Variants in SPINK2 observed in about 807,000 individuals in gnomAD.
SPINK2 encodes the protein serine peptidase inhibitor Kazal type 2, also known as serine protease inhibitor Kazal-type 2.
SPINK2 carries 8 observed loss-of-function variants against 13.5 expected under a neutral mutation model. The ratio of observed to expected loss-of-function variants is 0.59; its 90% confidence interval spans 0.35 to 1.07. The LOEUF (loss-of-function observed/expected upper bound fraction) is 1.07. Ranked by LOEUF, SPINK2 falls within the 50% of genes least tolerant of loss-of-function variation. SPINK2 has a pLI of 0.02. For synonymous variants in SPINK2, 76 were observed against 74.7 expected (o/e 1.02, Z -0.09); for missense variants, 148 against 180.3 (o/e 0.82, Z 1.03).
At chr4:56,811,185 G>A (rs1281690777) in intron 3 of SPINK2, among the ~76,000 whole-genome samples, 1 of 152,118 alleles carries the variant, frequency 6.6e-6, no homozygotes, top group Non-Finnish European at 1.5e-5. Flanking sequence ...ACATCTCATT[G>A]TTTAACTTGA....
intron 2 of SPINK2, among the ~76,000 whole-genome samples, chr4:56,817,690 CTAAAGA>C (rs151095962): frequency 0.063 from 9,581 of 152,018 alleles, 558 homozygotes; most frequent in South Asian, 0.29. Flanking sequence ...CCTACTTCTA[CTAAAGA>C]TATAGAAATT....
At chr4:56,817,433 A>G (rs1717548761) in intron 2 of SPINK2, among the ~76,000 whole-genome samples, 1 of 152,204 alleles carries the variant, frequency 6.6e-6, no homozygotes, top group Non-Finnish European at 1.5e-5. Flanking sequence ...TGCAGCAGAA[A>G]CTGACAAATT....
At chr4:56,817,058 TG>T (rs1717512891) in intron 2 of SPINK2, among the ~76,000 whole-genome samples, 1 of 151,578 alleles carries the variant, frequency 6.6e-6, no homozygotes, top group South Asian at 2.1e-4. Flanking sequence ...AAAAATTAGC[TG>T]GGCGTGGTGG....
At chr4:56,818,196 C>G (rs939901048) in intron 2 of SPINK2, 9 of 152,216 alleles carry the variant, frequency 5.9e-5, no homozygotes, top group Admixed American at 1.3e-4. Context: ...AGATCAATCT[C>G]TCTGTCTCTC....
chr4:56,820,451 G>A, intron 2 of SPINK2, 85 bp downstream of exon 2: 1 of 1,074,536 alleles, frequency 9.3e-7, no homozygotes, highest in Non-Finnish European at 1.4e-6. Flanking sequence ...AAAGTGGCAG[G>A]TCAGACCTGA....
Position 56,815,762 on chromosome 4 carries a change from TCACACACACACACA to T in SPINK2, c.250-3982_250-3969del, listed in dbSNP as rs140055216. ...TGTTATATAGAAATTCCTAAGAAAT[TCACACACACACACA>T]CACACACACACACACACACACAAAA... On this transcript the variant is annotated intron_variant, in intron 2 of 3. Coordinates refer to ENST00000506738, the MANE Select transcript of SPINK2 (RefSeq NM_001271718.2). Among the ~76,000 whole-genome samples the T allele has an allele frequency of 3.8e-4, 54 of 143,076 alleles. 1 individual carries two copies. The South Asian group carries it at 9.6e-3, about 25-fold the overall frequency. 93.9% of individuals were successfully genotyped at this position (143,076 alleles called of 152,430 possible). A position where few individuals can be genotyped will look rare whatever the true frequency, so the allele number is the denominator to read the frequency against.
chr4:56,810,231 G>A, intron 3 of SPINK2, 47 bp from the exon 4 acceptor site: 1 of 1,506,048 alleles, frequency 6.6e-7, no homozygotes, highest in Non-Finnish European at 9.1e-7. Flanking sequence ...CTACCATACT[G>A]AAACTGTCTC....
intron 2 of SPINK2, among the ~76,000 whole-genome samples, chr4:56,817,971 A>G (rs1262174118): frequency 6.6e-6 from 1 of 152,244 alleles, no homozygotes; most frequent in Admixed American, 6.5e-5. Flanking sequence ...CTCTGTGGGC[A>G]ATGAGAAGTC....
intron 2 of SPINK2, among the ~76,000 whole-genome samples, chr4:56,814,960 C>CAAAAAAAA (rs5858398): frequency 2.0e-5 from 2 of 102,544 alleles, no homozygotes; most frequent in Non-Finnish European, 4.0e-5. Context: ...GACTCCGTCT[C>CAAAAAAAA]AAAAAAAAAA....
chr4:56,817,944 C>T (rs756669384), intron 2 of SPINK2, among the ~76,000 whole-genome samples: 6 of 151,638 alleles, frequency 4.0e-5, no homozygotes, highest in South Asian at 2.1e-4. Flanking sequence ...TAGGCTGTGT[C>T]GATGAGGTTA....
At chr4:56,821,706 G>A, upstream of SPINK2, 1 of 1,434,030 alleles carries the variant, frequency 7.0e-7, no homozygotes, top group Non-Finnish European at 9.1e-7. Flanking sequence ...TCTGTTACCT[G>A]CGCCACTCGC....
intron 2 of SPINK2, among the ~76,000 whole-genome samples, chr4:56,814,405 T>G (rs1717256054): frequency 6.6e-6 from 1 of 151,986 alleles, no homozygotes; most frequent in Admixed American, 6.6e-5. Context: ...ACTGGTATAA[T>G]CACTCATTTA....
intron 1 of SPINK2, 35 bp from the exon 2 acceptor site, chr4:56,820,614 G>A: frequency 6.5e-7 from 1 of 1,534,554 alleles, no homozygotes; most frequent in East Asian, 2.2e-5. Flanking sequence ...TTACAGTATA[G>A]GATCAAGGTA....
chr4:56,811,479 T>C (rs1366578508), intron 3 of SPINK2, among the ~76,000 whole-genome samples: 1 of 151,984 alleles, frequency 6.6e-6, no homozygotes, highest in East Asian at 1.9e-4. Flanking sequence ...TAGCCAAGCG[T>C]GGTGGCAGGT....
rs781093100 is a variant in SPINK2 at position 56,821,669 on chromosome 4, C to G, written c.-7G>C. The G allele has an allele frequency of 9.5e-5, 145 of 1,525,276 alleles. No homozygotes were observed. The highest frequency in any genetic ancestry group is 2.9e-4 in the South Asian group (24 of 82,062). 94.5% of individuals were successfully genotyped at this position (1,525,276 alleles called of 1,614,324 possible). On this transcript the variant is annotated 5_prime_UTR_variant, in exon 1 of 4. Coordinates refer to ENST00000506738, the MANE Select transcript of SPINK2 (RefSeq NM_001271718.2). ...GCAGCACCGACAGCGCCATCCTCCT[C>G]CCGCGCCGGCTGTCTTGCCCCTGCG... is the stretch of plus-strand genomic sequence containing the variant.
intron 3 of SPINK2, 103 bp downstream of exon 3, chr4:56,811,582 A>C: frequency 1.6e-6 from 1 of 634,604 alleles, no homozygotes; most frequent in Non-Finnish European, 2.5e-6. Context: ...GCACCACTGC[A>C]CTCCAGCCTG....
At chr4:56,817,705 T>C (rs1042001004) in intron 2 of SPINK2, among the ~76,000 whole-genome samples, 1 of 152,010 alleles carries the variant, frequency 6.6e-6, no homozygotes, top group Admixed American at 6.6e-5. Flanking sequence ...GATATAGAAA[T>C]TAGCCGAGCA....
intron 2 of SPINK2, among the ~76,000 whole-genome samples, chr4:56,819,080 T>C (rs1341477420): frequency 1.3e-5 from 2 of 152,150 alleles, no homozygotes; most frequent in Admixed American, 6.6e-5. Context: ...AATGAAATAA[T>C]GATCCCTACC....
At chr4:56,810,236 T>C in intron 3 of SPINK2, 52 bp from the exon 4 acceptor site, 2 of 1,484,208 alleles carry the variant, frequency 1.3e-6, no homozygotes, top group South Asian at 1.2e-5. Flanking sequence ...ATACTGAAAC[T>C]GTCTCATTAT....
Sources: allele counts gnomAD v4.1 joint callset (sites outside exome capture counted in the v4.1 genomes callset), GRCh38; gene constraint gnomAD v4.1.1; transcripts MANE v1.5; gene names NCBI Gene and HGNC (gene_info 2026-07-23, HGNC 2026-07-21).